Variants in NPDC1 observed in about 807,000 individuals in gnomAD.
The protein encoded by NPDC1 is neural proliferation, differentiation and control 1.
In NPDC1, 18 loss-of-function variants were observed where a neutral mutation model predicts 32.5. The ratio of observed to expected loss-of-function variants is 0.55; its 90% CI spans 0.38 to 0.82. NPDC1 has a LOEUF of 0.82. Ranked by LOEUF, NPDC1 falls within the 40% of genes least tolerant of loss-of-function variation. The pLI, the probability that NPDC1 is intolerant of heterozygous loss-of-function variation, is 0.00. For missense variants in NPDC1, 468 were observed against 406.6 expected, an observed-to-expected ratio of 1.15 and a Z score of -1.30; for synonymous variants, 210 against 184.7, an observed-to-expected ratio of 1.14 and a Z score of -1.11.
chr9:137,041,334 G>T, intron 2 of NPDC1, 147 bp from the exon 3 acceptor site: 1 of 930,744 alleles, frequency 1.1e-6, no homozygotes, highest in Non-Finnish European at 1.4e-6. Flanking sequence ...TTGCCATGGT[G>T]ACAGCGCGGG....
intron 2 of NPDC1, among the ~76,000 whole-genome samples, chr9:137,042,539 G>A (rs1359477301): frequency 1.3e-5 from 2 of 150,230 alleles, no homozygotes; most frequent in Admixed American, 6.7e-5. Flanking sequence ...TTACAGGCGT[G>A]AGCCACTGCT....
rs1333828547 is a variant in NPDC1, at chr9:137,040,816, A to T, written c.554T>A (p.Leu185His). Residue 185 changes from leucine to histidine, a missense_variant and splice_region_variant, in exon 4 of 9, where the codon CTT (leucine) becomes CAT (histidine). Leu to His is a moderately conservative substitution (Grantham distance 99, BLOSUM62 -3). Transcript: ENST00000371601. The part of the protein sequence containing the change: ...PRGGQGDGLA[L>H]VLILAFCVAG... ...GCCCACCCCCGACCAAGACCTACCA[A>T]GGGCGAGGCCGTCGCCTTGCCCTCC... 1 of 1,593,292 alleles carries T rather than the reference A, an allele frequency of 6.3e-7. No homozygotes were observed. Among genetic ancestry groups the T allele is most frequent in the East Asian group, 2.3e-5 (1 of 44,366 alleles).
rs774386717 is a variant in NPDC1 at position 137,040,676 on chromosome 9, C to G, written c.618G>C (p.Trp206Cys). Residue 206 changes from tryptophan to cysteine, a missense_variant, in exon 5 of 9, where the codon TGG becomes TGC. Transcript: ENST00000371601. ...AAALSVASLC[W>C]CRLQREIRLT... ...GCCCGCGGCCACTGGCTCACCTGCA[C>G]CAGCAGAGGGAGGCTACGGAGAGGG... The G allele has an allele frequency of 6.3e-6, 10 of 1,579,900 alleles. No homozygotes were observed. In the East Asian group the frequency reaches 2.3e-4, roughly 36 times the overall value.
intron 2 of NPDC1, 48 bp downstream of exon 2, chr9:137,042,879 G>A (rs372254162): frequency 1.5e-5 from 23 of 1,550,788 alleles, no homozygotes; most frequent in African/African-American, 1.2e-4. Flanking sequence ...ACAGGGAGAG[G>A]TTCATGCAGG....
chr9:137,042,794 G>C (rs1832077143), intron 2 of NPDC1, 133 bp downstream of exon 2: 12 of 1,105,632 alleles, frequency 1.1e-5, no homozygotes, highest in Non-Finnish European at 1.5e-5. Context: ...CTGACCTCAT[G>C]AGATCCAACA....
rs370954332 is a variant in NPDC1, at chr9:137,040,213, A to G, written c.788+144T>C. On this transcript the variant is annotated intron_variant, in intron 7 of 8. Coordinates refer to ENST00000371601, the MANE Select transcript of NPDC1 (RefSeq NM_015392.4). ...AGTTGGCCAGGGGAGGTGAGGGTGC[A>G]GGGCGGCGGGGGAGGTGAAGGTTAG... The G allele has an allele frequency of 5.9e-5, 47 of 791,784 alleles. No individual in the cohort carries two copies. In the East Asian group the frequency reaches 9.4e-4, roughly 16 times the overall value. 49.0% of individuals were successfully genotyped at this position (791,784 alleles called of 1,614,324 possible).
intron 3 of NPDC1, 30 bp downstream of exon 3, chr9:137,041,032 G>T (rs371952505): frequency 1.3e-6 from 2 of 1,521,696 alleles, no homozygotes; most frequent in African/African-American, 2.8e-5. Context: ...TAGGGACAGG[G>T]CCGTGGGGCA....
rs1832022432 is a variant in NPDC1, at chr9:137,040,039, T to C, written c.817A>G (p.Thr273Ala). Reference protein sequence around the residue: ...RHKEPPKELDTASSDEENEDG... With the variant: ...RHKEPPKELDAASSDEENEDG... The stretch of plus-strand genomic sequence containing the variant: ...TCATTCTCCTCATCCGAGGAGGCCG[T>C]GTCCAGCTCCTTGGGTGGCTCTTTA... Residue 273 changes from threonine (T) to alanine (A), a missense_variant, in exon 8 of 9, where the codon ACG becomes GCG. Coordinates refer to ENST00000371601, the MANE Select transcript of NPDC1 (RefSeq NM_015392.4). The C allele has an allele frequency of 1.3e-6, 1 of 777,664 alleles. No homozygotes were observed. The highest frequency in any genetic ancestry group is 2.4e-6 in the Non-Finnish European group (1 of 417,444). 48.2% of individuals were successfully genotyped at this position (777,664 alleles called of 1,614,324 possible).
Position 137,039,767 on chromosome 9 carries a change from C to T in NPDC1, c.*5G>A, listed in dbSNP as rs1256097069. ...GGAGCAGGTGGGCGTCTGTCTGCCT[C>T]CAGGTCATGGCAGTGCAGGCGGTGA... On this transcript the variant is annotated 3_prime_UTR_variant, in exon 9 of 9. Transcript: ENST00000371601. 1 of 762,076 alleles carries T rather than the reference C, an allele frequency of 1.3e-6. No homozygotes were observed. Among genetic ancestry groups the T allele is most frequent in the Non-Finnish European group, 2.5e-6 (1 of 407,874 alleles). 47.2% of individuals were successfully genotyped at this position (762,076 alleles called of 1,614,324 possible).
intron 1 of NPDC1, among the ~76,000 whole-genome samples, chr9:137,044,752 C>T (rs755626122): frequency 6.6e-6 from 1 of 152,256 alleles, no homozygotes; most frequent in Non-Finnish European, 1.5e-5. Flanking sequence ...ACCTGCCACC[C>T]ACCCGGGCTC....
In NPDC1 at chr9:137,045,897, T is replaced by C. The variant is rs2131505107; in HGVS notation, c.93A>G (p.Gly31=). The change falls in exon 1 of 9, where the codon GGA becomes GGG. Residue 31 remains glycine (G), a synonymous_variant. Coordinates refer to ENST00000371601, the MANE Select transcript of NPDC1 (RefSeq NM_015392.4). ...SGLVLGAALR[G]AAAGHPDVAA... is the part of the protein sequence containing the mutation. ...GCTCACCCGGGTGGCCGGCGGCGGC[T>C]CCACGCAGGGCGGCGCCGAGGACGA... 2.7e-6 allele frequency: 3 copies of C among 1,128,380 alleles called. No homozygotes were observed. The highest frequency in any genetic ancestry group is 3.3e-6 in the Non-Finnish European group (3 of 922,422). 69.9% of individuals were successfully genotyped at this position (1,128,380 alleles called of 1,614,324 possible).
Position 137,039,522 on chromosome 9 carries a change from G to A in NPDC1, c.*250C>T. On this transcript the variant is annotated 3_prime_UTR_variant, in exon 9 of 9. Coordinates refer to ENST00000371601, the MANE Select transcript of NPDC1 (RefSeq NM_015392.4). ...TCTCTAGAATTACCCACCCGTTCCT[G>A]CGCTCTACGGTTCTCCATGCCCCCT... 1 of 477,884 alleles carries A rather than the reference G, an allele frequency of 2.1e-6. No individual in the cohort carries two copies. The highest frequency in any genetic ancestry group is 3.7e-6 in the Non-Finnish European group (1 of 271,362). The allele number at this position is 477,884 out of a possible 1,614,324, so 29.6% of individuals were successfully genotyped here. A position where few individuals can be genotyped will look rare whatever the true frequency, so the allele number is the denominator to read the frequency against.
chr9:137,043,716 G>T, intron 1 of NPDC1: 1 of 301,742 alleles, frequency 3.3e-6, no homozygotes, highest in Non-Finnish European at 6.2e-6. Flanking sequence ...GCAGTCAGGG[G>T]CCAGGTGGCA....
chr9:137,042,009 C>G (rs1309671242), intron 2 of NPDC1, among the ~76,000 whole-genome samples: 2 of 152,228 alleles, frequency 1.3e-5, no homozygotes, highest in African/African-American at 2.4e-5. Context: ...TGGGCAGACC[C>G]TGCAGAGCCC....
intron 2 of NPDC1, among the ~76,000 whole-genome samples, chr9:137,042,260 T>C (rs1471536267): frequency 6.9e-6 from 1 of 144,948 alleles, no homozygotes. Context: ...AGGCTGCTGC[T>C]TTTTTTTTTT....
chr9:137,043,077 G>A lies in NPDC1; in HGVS notation c.113-4C>T. On this transcript the variant is annotated splice_polypyrimidine_tract_variant and splice_region_variant and intron_variant, in intron 1 of 8. Transcript: ENST00000371601. ...CTCCCGGGACAGGCGGCTACATCTG[G>A]GAAGGAAGCAGAAGGCAGGGCCGGC... 2 of 1,612,382 alleles carry A rather than the reference G, an allele frequency of 1.2e-6. No homozygotes were observed. Among genetic ancestry groups the A allele is most frequent in the African/African-American group, 2.7e-5 (2 of 75,048 alleles).
intron 2 of NPDC1, 120 bp from the exon 3 acceptor site, chr9:137,041,307 G>T: frequency 9.0e-7 from 1 of 1,113,796 alleles, no homozygotes; most frequent in Non-Finnish European, 1.2e-6. Context: ...ACGCCTGGAG[G>T]CCCTCTCCCT....
rs750320637 is a variant in NPDC1, at chr9:137,039,741, G to T, written c.*31C>A. 6 of 730,954 alleles carry T rather than the reference G, an allele frequency of 8.2e-6. No homozygotes were observed. The Admixed American group carries it at 1.2e-4, about 14-fold the overall frequency. The allele number at this position is 730,954 out of a possible 1,614,324, so 45.3% of individuals were successfully genotyped here. A position where few individuals can be genotyped will look rare whatever the true frequency, so the allele number is the denominator to read the frequency against. On this transcript the variant is annotated 3_prime_UTR_variant, in exon 9 of 9. Transcript: ENST00000371601. ...CCCCTCCCCGGGGGCCTCGAGGTCG[G>T]GGAGCAGGTGGGCGTCTGTCTGCCT... is the stretch of plus-strand genomic sequence containing the variant.
intron 1 of NPDC1, among the ~76,000 whole-genome samples, chr9:137,044,861 C>T (rs963136516): frequency 6.6e-6 from 1 of 152,262 alleles, no homozygotes; most frequent in Non-Finnish European, 1.5e-5. Flanking sequence ...TCATGCCCAC[C>T]TCCCATCCAG....
Sources: gnomAD v4.1 joint callset for allele counts (sites outside exome capture counted in the v4.1 genomes callset) on GRCh38, gnomAD v4.1.1 for gene constraint, MANE v1.5 for transcripts, NCBI Gene and HGNC (gene_info 2026-07-23, HGNC 2026-07-21) for gene names.